TTN: variants seen among roughly 807,000 people sequenced by gnomAD.
TTN encodes connectin.
Under a neutral mutation model 3,223.0 loss-of-function variants are expected in TTN, and 1,525 were observed. The observed-to-expected ratio is 0.47, with a 90% CI of 0.45 to 0.49. The LOEUF (loss-of-function observed/expected upper bound fraction) is 0.49, where lower values mean the gene tolerates loss of function less well. TTN is among the 20% of genes least tolerant of loss of function. The pLI, the probability that TTN is intolerant of heterozygous loss-of-function variation, is 0.00. For missense variants in TTN, 40,786 were observed against 43,424.0 expected, an observed-to-expected ratio of 0.94 and a Z score of 5.40; for synonymous variants, 14,094 against 15,161.0, an observed-to-expected ratio of 0.93 and a Z score of 5.17.
Position 178,542,818 on chromosome 2 carries a change from TAG to T in TTN, c.97034_97035del (p.Ser32345Ter). The T allele has an allele frequency of 6.2e-7, 1 of 1,613,796 alleles. No individual in the cohort carries two copies. The highest frequency in any genetic ancestry group is 1.3e-5 in the African/African-American group (1 of 75,016). On this transcript the variant is annotated frameshift_variant, in exon 348 of 363. Transcript: ENST00000589042. LOFTEE classifies it high-confidence loss of function. ...GTGACACGCTCTGATTCTCTCAGTT[TAG>T]AACCAGCAAAGAACCAGGAAGCAGC... Reference protein sequence around the residue: ...PPAASWFFAGSKLRESERVTV... With the variant: ...PPAASWFFAGXKLRESERVTV...
rs761625257 is a variant in TTN at position 178,777,926 on chromosome 2, C to T, written c.4258G>A (p.Ala1420Thr). ...VSRSPIRMSP[A>T]RMSPARMSPA... ...GACATCCTTGCAGGTGACATCCGTG[C>T]AGGAGACATGCGTATAGGAGACCTG... The change falls in exon 25 of 363, where the codon GCA becomes ACA. Residue 1420 changes from alanine to threonine, a missense_variant. Coordinates refer to ENST00000589042, the MANE Select transcript of TTN (RefSeq NM_001267550.2). The T allele has an allele frequency of 2.5e-6, 4 of 1,613,854 alleles. No homozygotes were observed. The African/African-American group carries it at 5.3e-5, about 22-fold the overall frequency.
At position 178,576,080 on chromosome 2, in the gene TTN, C is replaced by T. The variant is rs376046188; in HGVS notation, c.70052G>A (p.Arg23351Gln). 14 of 1,613,424 alleles carry T rather than the reference C, an allele frequency of 8.7e-6. No individual in the cohort carries two copies. The East Asian group carries it at 1.3e-4, about 15-fold the overall frequency. Residue 23351 changes from arginine to glutamine, a missense_variant, in exon 326 of 363, where the codon CGA becomes CAA. Physicochemically the swap from Arg to Gln is conservative, Grantham distance 43. Coordinates refer to ENST00000589042, the MANE Select transcript of TTN (RefSeq NM_001267550.2). This position sits in a 1 kb window ranked among gnomAD's most constrained non-coding sequence, Gnocchi z 4.3. ...TCCTGCTCTAACAACAAGTGTTCTT[C>T]GAAGCTCGGCATCTAGTTCAAAATC... ...APDFELDAEL[R>Q]RTLVVRAGLS...
chr2:178,740,825 G>C lies in TTN; in HGVS notation c.12408C>G (p.Gly4136=), dbSNP rs760021087. ...ESTREFLCIN[G]SIHFQPLKEP... is the part of the protein sequence containing the mutation. ...CCTTGAGAGGCTGAAAGTGAATACT[G>C]CCATTGATGCAAAGAAATTCCCTGG... Residue 4136 remains glycine, a synonymous_variant, in exon 48 of 363, where the codon GGC becomes GGG. Coordinates refer to ENST00000589042, the MANE Select transcript of TTN (RefSeq NM_001267550.2). 2 of 1,613,768 alleles carry C rather than the reference G, an allele frequency of 1.2e-6. No homozygotes were observed. Among genetic ancestry groups the C allele is most frequent in the Non-Finnish European group, 1.7e-6 (2 of 1,179,760 alleles).
Position 178,672,977 on chromosome 2 carries a change from C to A in TTN, c.34787-274G>T, listed in dbSNP as rs571597745. 1.1e-4 allele frequency among the ~76,000 whole-genome samples: 17 copies of A among 151,596 alleles called. No individual in the cohort carries two copies. In the South Asian group the frequency reaches 3.5e-3, roughly 32 times the overall value. Reference sequence around the variant, plus strand: ...GATTACCAATATGGACTCACTTTTACTATTTTTAACTTGATGAAGACTTTT... The same window carrying A: ...GATTACCAATATGGACTCACTTTTAATATTTTTAACTTGATGAAGACTTTT... On this transcript the variant is annotated intron_variant, in intron 152 of 362. Transcript: ENST00000589042.
intron 121 of TTN, among the ~76,000 whole-genome samples, chr2:178,690,930 A>G (rs184508365): frequency 4.6e-5 from 7 of 152,188 alleles, no homozygotes; most frequent in African/African-American, 7.2e-5. Context: ...AAGAATGTTC[A>G]GATAGTATAT....
rs1685215525 is a variant in TTN, at chr2:178,701,114, T to C, written c.30682+6A>G. ...TTTCGACATCTAGGTAGATGAGGTA[T>C]AATACCTTCAATACGTTTTGGTGGT... On this transcript the variant is annotated splice_donor_region_variant and intron_variant, in intron 111 of 362. Transcript: ENST00000589042. 1 of 1,613,410 alleles carries C rather than the reference T, an allele frequency of 6.2e-7. No individual in the cohort carries two copies. Among genetic ancestry groups the C allele is most frequent in the Non-Finnish European group, 8.5e-7 (1 of 1,179,410 alleles).
At chr2:178,702,415 TA>T (rs764939085) in intron 107 of TTN, 38 bp downstream of exon 107, 2 of 1,611,972 alleles carry the variant, frequency 1.2e-6, no homozygotes, top group Non-Finnish European at 1.7e-6. Flanking sequence ...AGACGAGGCT[TA>T]AATTATACAT....
rs2058085346 is a variant in TTN at position 178,620,368 on chromosome 2, G to A, written c.46153C>T (p.Leu15385Phe). The change falls in exon 248 of 363, where the codon CTC becomes TTC. Residue 15385 changes from leucine (L) to phenylalanine (F), a missense_variant. By Grantham distance (22) the Leu-to-Phe change is conservative. Transcript: ENST00000589042. ...AATTCTGTCGGGGCTTCTATGATGA[G>A]AAGCTCAGCAACAGATTTATCTTGT... ...AGQDKSVAEL[L>F]IIEAPTEFVE... The A allele has an allele frequency of 6.2e-7, 1 of 1,610,204 alleles. No individual in the cohort carries two copies. Among genetic ancestry groups the A allele is most frequent in the African/African-American group, 1.3e-5 (1 of 74,716 alleles).
chr2:178,687,302 C>T (rs932252810), intron 127 of TTN, among the ~76,000 whole-genome samples: 2 of 152,150 alleles, frequency 1.3e-5, no homozygotes, highest in Admixed American at 1.3e-4. Context: ...CCACATGGCT[C>T]TAGCCAGAAT....
chr2:178,580,863 T>G (rs1282704019), intron 316 of TTN: 2 of 452,634 alleles, frequency 4.4e-6, no homozygotes, highest in Non-Finnish European at 7.7e-6. Flanking sequence ...ATGAGCCTTA[T>G]GTACTCTGAA....
chr2:178,749,603 T>C (rs780742863), intron 47 of TTN: 1 of 1,612,116 alleles, frequency 6.2e-7, no homozygotes, highest in Non-Finnish European at 8.5e-7. Flanking sequence ...ATATTTTCCA[T>C]AAATTTCACC....
In TTN at chr2:178,614,019, C is replaced by CT. The variant is rs566373563; in HGVS notation, c.49345+32dup. On this transcript the variant is annotated intron_variant, in intron 262 of 362. Coordinates refer to ENST00000589042, the MANE Select transcript of TTN (RefSeq NM_001267550.2). The stretch of plus-strand genomic sequence containing the variant: ...AAAATGCAAGTTTGACATAAGCATC[C>CT]TTTTTTTTTTATCAGCTGATTGAGA... 2,829 of 1,440,954 alleles carry CT rather than the reference C, an allele frequency of 2.0e-3. 3 individuals carry two copies. Among genetic ancestry groups the CT allele is most frequent in the South Asian group, 0.015 (1,177 of 80,614 alleles). 89.3% of individuals were successfully genotyped at this position (1,440,954 alleles called of 1,614,324 possible). A position where few individuals can be genotyped will look rare whatever the true frequency, so the allele number is the denominator to read the frequency against.
At chr2:178,769,336 C>T (rs1410505909) in intron 37 of TTN, among the ~76,000 whole-genome samples, 2 of 152,056 alleles carry the variant, frequency 1.3e-5, no homozygotes, top group African/African-American at 4.8e-5. Flanking sequence ...TCACTGCAGC[C>T]TTGGCCTTCT....
chr2:178,566,995 T>A lies in TTN; in HGVS notation c.79137A>T (p.Leu26379=). 2.5e-6 allele frequency: 4 copies of A among 1,613,614 alleles called. No homozygotes were observed. Among genetic ancestry groups the A allele is most frequent in the Non-Finnish European group, 3.4e-6 (4 of 1,179,646 alleles). The change falls in exon 326 of 363, where the codon CTA becomes CTT. Residue 26379 remains leucine (L), a synonymous_variant. Coordinates refer to ENST00000589042, the MANE Select transcript of TTN (RefSeq NM_001267550.2). Reference sequence around the variant, plus strand: ...CAGGAAGCACAAATGGATTTTTCATTAGTACTGGTGCAGATTCCAAAGGCT... The same window carrying A: ...CAGGAAGCACAAATGGATTTTTCATAAGTACTGGTGCAGATTCCAAAGGCT... ...VGEPLESAPV[L]MKNPFVLPGP...
chr2:178,562,934 A>G lies in TTN; in HGVS notation c.83198T>C (p.Ile27733Thr), dbSNP rs759928014. ...EVTSSFTMLV[I>T]DNVTRFDSGR... ...ACTGTCAAATCTGGTAACATTATCA[A>G]TCACCAACATTGTAAATGAGCTGGT... The change falls in exon 326 of 363, where the codon ATT (isoleucine) becomes ACT (threonine). Residue 27733 changes from isoleucine to threonine, a missense_variant. Transcript: ENST00000589042. 3.2e-5 allele frequency: 51 copies of G among 1,613,638 alleles called. No individual in the cohort carries two copies. Among genetic ancestry groups the G allele is most frequent in the Admixed American group, 5.0e-5 (3 of 59,988 alleles).
Position 178,538,781 on chromosome 2 carries a change from A to C in TTN, c.99048T>G (p.Thr33016=), listed in dbSNP as rs570697555. Residue 33016 remains threonine, a synonymous_variant, in exon 354 of 363, where the codon ACT becomes ACG. Transcript: ENST00000589042. ...EILSISKDSV[T]LQWEKPECDG... ...CACATTCAGGTTTCTCCCACTGTAGAGTGACACTATCTTTGGATATTGAAA... is the reference window on the plus strand; with the variant it reads ...CACATTCAGGTTTCTCCCACTGTAGCGTGACACTATCTTTGGATATTGAAA... 6.2e-7 allele frequency: 1 copy of C among 1,613,664 alleles called. No individual in the cohort carries two copies. Among genetic ancestry groups the C allele is most frequent in the Non-Finnish European group, 8.5e-7 (1 of 1,179,698 alleles).
intron 26 of TTN, 36 bp from the exon 27 acceptor site, chr2:178,777,353 G>A: frequency 6.2e-7 from 1 of 1,613,114 alleles, no homozygotes; most frequent in African/African-American, 1.3e-5. Flanking sequence ...AGGGAGTAAG[G>A]CTGAAATACC....
rs771511344 is a variant in TTN, at chr2:178,538,795, T to C, written c.99034A>G (p.Lys33012Glu). Residue 33012 changes from lysine (K) to glutamate (E), a missense_variant, in exon 354 of 363, where the codon AAA becomes GAA. Transcript: ENST00000589042. ...PGELEILSIS[K>E]DSVTLQWEKP... ...TCCCACTGTAGAGTGACACTATCTT[T>C]GGATATTGAAAGAATCTCAAGTTCT... 5 of 1,612,436 alleles carry C rather than the reference T, an allele frequency of 3.1e-6. No individual in the cohort carries two copies. The highest frequency in any genetic ancestry group is 4.2e-6 in the Non-Finnish European group (5 of 1,178,978).
At chr2:178,588,436 T>C (rs1483850467) in intron 304 of TTN, 102 bp downstream of exon 304, 131 of 1,339,774 alleles carry the variant, frequency 9.8e-5, no homozygotes, top group Non-Finnish European at 1.3e-4. Context: ...AAATACAGTT[T>C]GGATGTTACA....
Sources: gnomAD v4.1 joint callset for allele counts (sites outside exome capture counted in the v4.1 genomes callset) on GRCh38, gnomAD v4.1.1 for gene constraint, Gnocchi (gnomAD v3.1) non-coding constraint, MANE v1.5 for transcripts, NCBI Gene and HGNC (gene_info 2026-07-23, HGNC 2026-07-21) for gene names.